WDR7: variants seen among roughly 807,000 people sequenced by gnomAD.
WDR7 encodes the protein WD repeat domain 7.
A neutral mutation model predicts 169.4 loss-of-function variants in WDR7; 46 were observed. The ratio of observed to expected loss-of-function variants is 0.27; its 90% CI spans 0.21 to 0.35. WDR7 has a LOEUF of 0.35. WDR7 is among the 10% of genes least tolerant of loss of function. The pLI, the probability that WDR7 is intolerant of heterozygous loss-of-function variation, is 1.00. For missense variants in WDR7, 1,534 were observed against 1,859.3 expected (o/e 0.83, Z 3.22); for synonymous variants, 612 against 666.8 (o/e 0.92, Z 1.27).
chr18:56,992,067 G>GTACT (rs1414136907), intron 26 of WDR7, among the ~76,000 whole-genome samples: 3 of 152,148 alleles, frequency 2.0e-5, no homozygotes, highest in African/African-American at 7.2e-5. Flanking sequence ...ATTTTATAAA[G>GTACT]TACTCATAAT....
chr18:56,766,549 A>T (rs1353118052), intron 16 of WDR7, among the ~76,000 whole-genome samples: 1 of 151,964 alleles, frequency 6.6e-6, no homozygotes, highest in Non-Finnish European at 1.5e-5. Context: ...TGCACTTTAA[A>T]AATTTATTTT....
intron 17 of WDR7, 27 bp downstream of exon 17, chr18:56,776,907 T>A: frequency 6.4e-7 from 1 of 1,572,664 alleles, no homozygotes; most frequent in South Asian, 1.1e-5. Context: ...CTAACAACTT[T>A]CTCTCAATCT....
At position 56,757,124 on chromosome 18, in the gene WDR7, T is replaced by C. The variant is rs752811447; in HGVS notation, c.2531T>C (p.Met844Thr). 10 of 1,614,028 alleles carry C rather than the reference T, an allele frequency of 6.2e-6. No homozygotes were observed. The Admixed American group carries it at 8.3e-5, about 13-fold the overall frequency. The change falls in exon 15 of 28, where the codon ATG (methionine) becomes ACG (threonine). Residue 844 changes from methionine to threonine, a missense_variant. Physicochemically the swap from Met to Thr is moderately conservative, Grantham distance 81. Transcript: ENST00000254442. ...GGCCTCTTGTCAAGAGGAGGCCATA[T>C]GTCACTGATGCTGCCGGGTTATAAT... ...SFGLLSRGGH[M>T]SLMLPGYNQP...
intron 17 of WDR7, among the ~76,000 whole-genome samples, 176 bp from the exon 18 acceptor site, chr18:56,779,255 T>C (rs187492418): frequency 1.0e-3 from 154 of 152,350 alleles, no homozygotes; most frequent in African/African-American, 3.5e-3. Flanking sequence ...GATTTAGGGA[T>C]GAAATACGTT....
intron 5 of WDR7, among the ~76,000 whole-genome samples, chr18:56,683,788 C>A (rs1048962849): frequency 1.3e-5 from 2 of 152,174 alleles, no homozygotes; most frequent in Admixed American, 1.3e-4. Context: ...TTGCCTTCAA[C>A]TTTATAGGAG....
chr18:56,745,300 A>T (rs561812140), intron 14 of WDR7, among the ~76,000 whole-genome samples: 2 of 152,306 alleles, frequency 1.3e-5, no homozygotes, highest in South Asian at 4.2e-4. Context: ...GACACTGTCC[A>T]GTGTTCATAT....
chr18:56,687,529 G>C (rs1399173994), intron 7 of WDR7, among the ~76,000 whole-genome samples: 1 of 152,170 alleles, frequency 6.6e-6, no homozygotes, highest in Admixed American at 6.5e-5. Flanking sequence ...ACTCTCTGAG[G>C]TTAGGTGGAT....
At chr18:56,819,547 C>T (rs1403094460) in intron 20 of WDR7, among the ~76,000 whole-genome samples, 1 of 152,140 alleles carries the variant, frequency 6.6e-6, no homozygotes, top group African/African-American at 2.4e-5. Context: ...ATATCATAGA[C>T]ATATTAGCCC....
At chr18:56,908,813 C>A (rs1201838203) in intron 21 of WDR7, among the ~76,000 whole-genome samples, 1 of 152,178 alleles carries the variant, frequency 6.6e-6, no homozygotes, top group Non-Finnish European at 1.5e-5. Context: ...TTCCCTCTTT[C>A]CTTCCCATCA....
intron 13 of WDR7, among the ~76,000 whole-genome samples, chr18:56,731,020 A>T (rs574842698): frequency 9.1e-4 from 139 of 152,328 alleles, no homozygotes; most frequent in Middle Eastern, 3.4e-3. Context: ...ATTGATATAC[A>T]ACTTAGAGGA....
At chr18:56,883,757 C>T (rs567252649) in intron 21 of WDR7, among the ~76,000 whole-genome samples, 6 of 152,124 alleles carry the variant, frequency 3.9e-5, no homozygotes, top group Middle Eastern at 3.4e-3. Flanking sequence ...TGAGAACATA[C>T]GATGTTTGGT....
In WDR7 at chr18:56,784,616, T is replaced by G. The variant is rs1269995674; in HGVS notation, c.3190+2960T>G. Among the ~76,000 whole-genome samples the G allele has an allele frequency of 5.3e-5, 8 of 152,342 alleles. No individual in the cohort carries two copies. In the East Asian group the frequency reaches 7.7e-4, roughly 15 times the overall value. On this transcript the variant is annotated intron_variant, in intron 19 of 27. Coordinates refer to ENST00000254442, the MANE Select transcript of WDR7 (RefSeq NM_015285.3). ...TGGAAGAATGAGTAGATACTTAGCT[T>G]AACTAATATTGCTTTCAGACACTGT...
intron 4 of WDR7, among the ~76,000 whole-genome samples, chr18:56,682,173 G>A (rs866349412): frequency 2.0e-5 from 3 of 152,242 alleles, no homozygotes; most frequent in Middle Eastern, 6.8e-3. Context: ...TTACATATAA[G>A]GAAGCTGAGG....
intron 14 of WDR7, among the ~76,000 whole-genome samples, chr18:56,735,574 T>G (rs2026681440): frequency 6.6e-6 from 1 of 152,206 alleles, no homozygotes; most frequent in Non-Finnish European, 1.5e-5. Context: ...TTTGATTTTT[T>G]TCAGATATGC....
chr18:56,910,533 A>G (rs751633075), intron 21 of WDR7, among the ~76,000 whole-genome samples: 4 of 152,014 alleles, frequency 2.6e-5, no homozygotes, highest in Non-Finnish European at 4.4e-5. Context: ...GCTATTTGTG[A>G]TTTTTCTCCA....
intron 26 of WDR7, among the ~76,000 whole-genome samples, chr18:56,972,211 A>C (rs536897737): frequency 1.3e-5 from 2 of 152,206 alleles, no homozygotes; most frequent in Non-Finnish European, 2.9e-5. Flanking sequence ...CTAAACAGAA[A>C]TGTCAGCAAA....
At chr18:56,715,399 A>G (rs918696284) in intron 12 of WDR7, among the ~76,000 whole-genome samples, 1 of 152,208 alleles carries the variant, frequency 6.6e-6, no homozygotes, top group Admixed American at 6.5e-5. Flanking sequence ...AGGAATGACT[A>G]GAGTATATGT....
chr18:56,902,446 T>C (rs952514821), intron 21 of WDR7, among the ~76,000 whole-genome samples: 1 of 152,194 alleles, frequency 6.6e-6, no homozygotes, highest in South Asian at 2.1e-4. Flanking sequence ...TAGACAAAGA[T>C]TGAAATGTTA....
chr18:56,795,682 C>T (rs971385556), intron 19 of WDR7, among the ~76,000 whole-genome samples: 1 of 152,192 alleles, frequency 6.6e-6, no homozygotes, highest in African/African-American at 2.4e-5. Context: ...TTTGTATTCA[C>T]TCTGTTGCCC....
Sources: gnomAD v4.1 joint callset for allele counts (sites outside exome capture counted in the v4.1 genomes callset) on GRCh38, gnomAD v4.1.1 for gene constraint, MANE v1.5 for transcripts, NCBI Gene and HGNC (gene_info 2026-07-23, HGNC 2026-07-21) for gene names.